Variants in HORMAD2 observed in about 807,000 individuals in gnomAD.
HORMAD2 encodes HORMA domain containing 2.
A neutral mutation model predicts 38.8 loss-of-function variants in HORMAD2; 45 were observed. The ratio of observed to expected loss-of-function variants is 1.16; its 90% CI spans 0.91 to 1.49. The LOEUF (loss-of-function observed/expected upper bound fraction) is 1.49. Among genes scored for constraint, HORMAD2 ranks in the 40% most tolerant of loss-of-function variants. The pLI is 0.00. For missense variants in HORMAD2, 338 were observed against 367.0 expected, an observed-to-expected ratio of 0.92 and a Z score of 0.65; for synonymous variants, 126 against 122.8, an observed-to-expected ratio of 1.03 and a Z score of -0.17.
chr22:30,187,051 T>C, the HORMAD2 span, among the ~76,000 whole-genome samples: 2 of 152,226 alleles, frequency 1.3e-5, no homozygotes, highest in Admixed American at 6.5e-5. Context: ...TTGGGATGTA[T>C]GTGCCCTCTA....
intron 1 of HORMAD2, among the ~76,000 whole-genome samples, chr22:30,091,375 T>C (rs965147800): frequency 3.3e-5 from 5 of 151,068 alleles, no homozygotes; most frequent in Non-Finnish European, 7.4e-5. Flanking sequence ...GCTCAAGTAG[T>C]CCACCTTAGC....
intron 1 of HORMAD2, among the ~76,000 whole-genome samples, chr22:30,088,118 C>A (rs1011087137): frequency 2.0e-5 from 3 of 149,816 alleles, no homozygotes; most frequent in African/African-American, 7.3e-5. Flanking sequence ...TGTACATATA[C>A]ACACACGTAC....
At chr22:30,127,196 G>GTT (rs1340879318) in intron 10 of HORMAD2, among the ~76,000 whole-genome samples, 3 of 99,402 alleles carry the variant, frequency 3.0e-5, no homozygotes, top group African/African-American at 1.2e-4. Context: ...ATAAACAGAA[G>GTT]TTCTTTTTTT....
chr22:30,078,607 C>CAAAAAAAAAAAAAAAA (rs55966787), upstream of HORMAD2, among the ~76,000 whole-genome samples: 22 of 28,104 alleles, frequency 7.8e-4, 5 homozygotes, highest in African/African-American at 1.5e-3. Context: ...CTCTGTCTCA[C>CAAAAAAAAAAAAAAAA]AAAAAAAAAA....
downstream of HORMAD2, among the ~76,000 whole-genome samples, chr22:30,178,905 C>G (rs944288911): frequency 2.4e-4 from 37 of 152,174 alleles, no homozygotes; most frequent in Non-Finnish European, 5.0e-4. Context: ...ATGATTGCCG[C>G]CAGCCTTTGA....
chr22:30,111,530 C>T (rs573117836), intron 5 of HORMAD2, among the ~76,000 whole-genome samples: 40 of 152,064 alleles, frequency 2.6e-4, no homozygotes, highest in East Asian at 3.9e-4. Flanking sequence ...GATGTGAAAC[C>T]CAGATATGGA....
At chr22:30,146,560 A>C (rs1924432953) in intron 10 of HORMAD2, among the ~76,000 whole-genome samples, 1 of 152,172 alleles carries the variant, frequency 6.6e-6, no homozygotes, top group Admixed American at 6.6e-5. Flanking sequence ...AACTTCCTTG[A>C]CTGTATAAAA....
chr22:30,203,309 C>T, the HORMAD2 span, among the ~76,000 whole-genome samples: 4 of 150,994 alleles, frequency 2.6e-5, no homozygotes, highest in African/African-American at 9.8e-5. Flanking sequence ...GCATGAGAAT[C>T]GCTTGAACCC....
chr22:30,092,598 C>G (rs1374559012), intron 1 of HORMAD2, among the ~76,000 whole-genome samples: 1 of 151,794 alleles, frequency 6.6e-6, no homozygotes, highest in Non-Finnish European at 1.5e-5. Flanking sequence ...TGTCCTGAAG[C>G]ATTTTTCCTG....
At chr22:30,137,338 A>G in intron 10 of HORMAD2, 1 of 507,504 alleles carries the variant, frequency 2.0e-6, no homozygotes, top group South Asian at 1.5e-5. Context: ...TCCCATAGTT[A>G]TTATACTGAA....
At chr22:30,126,747 T>G (rs999988417) in intron 10 of HORMAD2, among the ~76,000 whole-genome samples, 1 of 152,210 alleles carries the variant, frequency 6.6e-6, no homozygotes, top group African/African-American at 2.4e-5. Flanking sequence ...TATTTAGTTT[T>G]AACAGATAGT....
downstream of HORMAD2, among the ~76,000 whole-genome samples, chr22:30,180,298 C>T (rs1926644547): frequency 6.6e-6 from 1 of 152,108 alleles, no homozygotes; most frequent in African/African-American, 2.4e-5. Flanking sequence ...CCAGAAACAT[C>T]TATGGGGCAC....
chr22:30,158,268 C>A (rs567103159), intron 10 of HORMAD2, among the ~76,000 whole-genome samples: 2 of 150,604 alleles, frequency 1.3e-5, no homozygotes, highest in Admixed American at 6.6e-5. Context: ...AAAAAAAAAA[C>A]AAAAACAAAA....
intron 10 of HORMAD2, among the ~76,000 whole-genome samples, chr22:30,172,122 C>A (rs959233152): frequency 6.6e-6 from 1 of 152,054 alleles, no homozygotes; most frequent in Non-Finnish European, 1.5e-5. Flanking sequence ...TTTCCCTCCC[C>A]TGAAAATGTA....
At chr22:30,180,963 TCTCCTCTCC>T (rs1926685537), downstream of HORMAD2, among the ~76,000 whole-genome samples, 1 of 101,328 alleles carries the variant, frequency 9.9e-6, no homozygotes, top group Non-Finnish European at 1.9e-5. Flanking sequence ...TCTCCTCTCC[TCTCCTCTCC>T]TCTCCTCTCC....
Position 30,176,144 on chromosome 22 carries a change from G to C in HORMAD2, c.901G>C (p.Val301Leu), listed in dbSNP as rs779658146. ...KKRKVSEPVKVFIPNRK is the reference protein window; with the variant it reads ...KKRKVSEPVKLFIPNRK ...GAGGAAGGTCAGTGAACCAGTGAAG[G>C]TCTTCATCCCTAACAGAAAATGAAA... Residue 301 changes from valine to leucine, a missense_variant, in exon 11 of 11, where the codon GTC becomes CTC. Val to Leu is a conservative substitution (Grantham distance 32). Transcript: ENST00000336726. 2 of 1,609,370 alleles carry C rather than the reference G, an allele frequency of 1.2e-6. No homozygotes were observed. Among genetic ancestry groups the C allele is most frequent in the Non-Finnish European group, 1.7e-6 (2 of 1,176,142 alleles).
chr22:30,173,925 A>G (rs772832241), intron 10 of HORMAD2, among the ~76,000 whole-genome samples: 2 of 152,196 alleles, frequency 1.3e-5, no homozygotes, highest in Non-Finnish European at 2.9e-5. Flanking sequence ...ACTGCTACCA[A>G]ATCAGCTGGC....
At chr22:30,104,513 T>C (rs1921041539) in intron 5 of HORMAD2, 76 bp downstream of exon 5, 2 of 1,286,596 alleles carry the variant, frequency 1.6e-6, no homozygotes, top group African/African-American at 1.5e-5. Flanking sequence ...TAGACATTTA[T>C]TTTGTTTTTG....
intron 5 of HORMAD2, chr22:30,105,213 C>T (rs980628392): frequency 6.8e-5 from 11 of 161,170 alleles, no homozygotes; most frequent in African/African-American, 2.6e-4. Context: ...GCCCTTTTGT[C>T]CTTGGAGACC....
Sources: gnomAD v4.1 joint callset for allele counts (sites outside exome capture counted in the v4.1 genomes callset) on GRCh38, gnomAD v4.1.1 for gene constraint, MANE v1.5 for transcripts, NCBI Gene and HGNC (gene_info 2026-07-23, HGNC 2026-07-21) for gene names.